CLDN16: variants seen among roughly 807,000 people sequenced by gnomAD.
CLDN16 encodes the protein claudin 16, also known as claudin-16.
In CLDN16, 13 loss-of-function variants were observed where a neutral mutation model predicts 24.6. That is an observed-to-expected ratio of 0.53 (90% CI 0.34 to 0.84). The LOEUF is 0.84. Among genes scored for constraint, CLDN16 ranks in the 40% least tolerant of loss-of-function variants. CLDN16 has a pLI of 0.01. For missense variants in CLDN16, 298 were observed against 292.7 expected, an observed-to-expected ratio of 1.02 and a Z score of -0.13; for synonymous variants, 116 against 106.7, an observed-to-expected ratio of 1.09 and a Z score of -0.54.
At chr3:190,292,018 G>A in the CLDN16 span, among the ~76,000 whole-genome samples, 1 of 152,180 alleles carries the variant, frequency 6.6e-6, no homozygotes, top group Non-Finnish European at 1.5e-5. Flanking sequence ...CAAGCTGTTG[G>A]TGGATCCAAC....
chr3:190,351,117 C>G (rs965644311), intron 1 of CLDN16, among the ~76,000 whole-genome samples: 14 of 151,698 alleles, frequency 9.2e-5, no homozygotes, highest in Non-Finnish European at 1.3e-4. Flanking sequence ...CACTCCCCCC[C>G]ACCCCCTTGG....
the CLDN16 span, among the ~76,000 whole-genome samples, chr3:190,297,370 T>C: frequency 6.6e-6 from 1 of 150,728 alleles, no homozygotes; most frequent in Non-Finnish European, 1.5e-5. Context: ...GAAAGGACTC[T>C]ACCCAAATGT....
chr3:190,392,758 G>A (rs1577424039), intron 1 of CLDN16, among the ~76,000 whole-genome samples: 2 of 152,274 alleles, frequency 1.3e-5, no homozygotes, highest in South Asian at 4.1e-4. Flanking sequence ...TTGTATGTTT[G>A]CGGTATTTTG....
intron 1 of CLDN16, among the ~76,000 whole-genome samples, chr3:190,351,828 A>G (rs1717677495): frequency 6.6e-6 from 1 of 152,144 alleles, no homozygotes; most frequent in Non-Finnish European, 1.5e-5. Flanking sequence ...TTAGCATTCT[A>G]AAAGGAAAGG....
chr3:190,394,209 C>T (rs976497039), intron 1 of CLDN16, among the ~76,000 whole-genome samples: 4 of 152,082 alleles, frequency 2.6e-5, no homozygotes, highest in African/African-American at 9.7e-5. Context: ...ACAAGATATG[C>T]AATTCTTAAT....
At chr3:190,308,537 T>C in the CLDN16 span, 1 of 1,154,520 alleles carries the variant, frequency 8.7e-7, no homozygotes, top group African/African-American at 1.5e-5. Context: ...TGTATTTTTT[T>C]CATTGAAAAT....
the CLDN16 span, among the ~76,000 whole-genome samples, chr3:190,316,709 C>T: frequency 1.3e-5 from 2 of 152,154 alleles, no homozygotes; most frequent in Non-Finnish European, 2.9e-5. Context: ...AAGCACAGTA[C>T]TTGAAAAGTC....
chr3:190,367,423 C>T (rs1262251094), intron 1 of CLDN16, among the ~76,000 whole-genome samples: 4 of 151,892 alleles, frequency 2.6e-5, no homozygotes, highest in African/African-American at 9.7e-5. Context: ...AGAAATTTGG[C>T]CTGTGAACTA....
chr3:190,387,318 C>CT (rs545564626), upstream of CLDN16, among the ~76,000 whole-genome samples: 945 of 151,574 alleles, frequency 6.2e-3, 7 homozygotes, highest in South Asian at 0.014. Flanking sequence ...ATATTAAAAA[C>CT]TTTTTTTTAC....
chr3:190,389,494 C>T (rs1002076606), intron 1 of CLDN16, among the ~76,000 whole-genome samples: 2 of 152,154 alleles, frequency 1.3e-5, no homozygotes, highest in African/African-American at 2.4e-5. Flanking sequence ...AATAATGATT[C>T]TATTTTGCTG....
intron 1 of CLDN16, among the ~76,000 whole-genome samples, chr3:190,352,702 A>G (rs780455999): frequency 2.0e-5 from 3 of 152,098 alleles, no homozygotes; most frequent in Non-Finnish European, 4.4e-5. Context: ...GAACATCAAA[A>G]GGTCCTTGAA....
intron 1 of CLDN16, among the ~76,000 whole-genome samples, chr3:190,389,425 T>C (rs1452016176): frequency 6.6e-6 from 1 of 152,252 alleles, no homozygotes; most frequent in East Asian, 1.9e-4. Context: ...ACTGAGTTTA[T>C]ATATTTTTCT....
chr3:190,312,058 G>T, the CLDN16 span, among the ~76,000 whole-genome samples: 1 of 151,638 alleles, frequency 6.6e-6, no homozygotes, highest in Admixed American at 6.6e-5. Context: ...AGCCTCTGGA[G>T]TATATGGGAT....
chr3:190,377,209 C>G (rs1277322055), intron 3 of CLDN16, among the ~76,000 whole-genome samples: 2 of 151,946 alleles, frequency 1.3e-5, no homozygotes, highest in Non-Finnish European at 2.9e-5. Flanking sequence ...TGGGAAAGAT[C>G]TGCATATTGT....
At chr3:190,339,363 T>C (rs996223020) in intron 1 of CLDN16, among the ~76,000 whole-genome samples, 2 of 152,172 alleles carry the variant, frequency 1.3e-5, no homozygotes, top group South Asian at 2.1e-4. Context: ...GTGTATACAT[T>C]ATTCTTCATT....
chr3:190,320,105 G>T (rs112278298), upstream of CLDN16, among the ~76,000 whole-genome samples: 1,905 of 152,266 alleles, frequency 0.013, 22 homozygotes, highest in Middle Eastern at 0.034. Context: ...TTTCACCCTA[G>T]TTTTAAAAAC....
At chr3:190,327,832 G>T (rs528710383) in intron 1 of CLDN16, among the ~76,000 whole-genome samples, 5 of 152,196 alleles carry the variant, frequency 3.3e-5, no homozygotes, top group Admixed American at 2.0e-4. Flanking sequence ...CAGATGGATG[G>T]ACTGATAGAG....
chr3:190,342,246 G>T (rs754162333), intron 1 of CLDN16, among the ~76,000 whole-genome samples: 12 of 152,262 alleles, frequency 7.9e-5, no homozygotes, highest in Middle Eastern at 3.4e-3. Context: ...GGACATACCT[G>T]AGACTGGGCA....
chr3:190,378,622 C>A (rs977229625), intron 3 of CLDN16, among the ~76,000 whole-genome samples: 17 of 152,018 alleles, frequency 1.1e-4, no homozygotes, highest in African/African-American at 3.9e-4. Context: ...ACGTATGAGT[C>A]CTGCTGTCGG....
Sources: allele counts gnomAD v4.1 joint callset (sites outside exome capture counted in the v4.1 genomes callset), GRCh38; gene constraint gnomAD v4.1.1; transcripts MANE v1.5; gene names NCBI Gene and HGNC (gene_info 2026-07-23, HGNC 2026-07-21).